The following SART3 variants were observed in gnomAD, a reference collection of about 807,000 sequenced individuals.
SART3 encodes HIV-1 Tat-interacting protein of 110kDa.
A neutral mutation model predicts 122.3 loss-of-function variants in SART3; 44 were observed. That is an observed-to-expected ratio of 0.36 (90% CI 0.28 to 0.46). SART3 has a LOEUF of 0.46. Ranked by LOEUF, SART3 falls within the 20% of genes least tolerant of loss-of-function variation. The pLI, the probability that SART3 is intolerant of heterozygous loss-of-function variation, is 1.00. For missense variants in SART3, 1,101 were observed against 1,229.0 expected (o/e 0.90, Z 1.56); for synonymous variants, 442 against 454.0 (o/e 0.97, Z 0.34).
At chr12:108,550,990 C>G (rs932977500) in intron 1 of SART3, among the ~76,000 whole-genome samples, 1 of 151,944 alleles carries the variant, frequency 6.6e-6, no homozygotes, top group African/African-American at 2.4e-5. Context: ...CTGAATAAAC[C>G]AACAATTGCC....
chr12:108,551,662 TC>T (rs2030015154), intron 1 of SART3, among the ~76,000 whole-genome samples: 1 of 152,200 alleles, frequency 6.6e-6, no homozygotes, highest in African/African-American at 2.4e-5. Flanking sequence ...TATGTATTTT[TC>T]TCAAGTACTT....
chr12:108,524,683 C>T (rs1593230806), intron 17 of SART3, 177 bp from the exon 18 acceptor site: 7 of 647,812 alleles, frequency 1.1e-5, no homozygotes, highest in East Asian at 8.1e-5. Context: ...CTTATTTCCC[C>T]ACCCTACTCT....
chr12:108,536,343 A>C (rs1872903410), intron 11 of SART3, among the ~76,000 whole-genome samples, 171 bp downstream of exon 11: 2 of 152,238 alleles, frequency 1.3e-5, no homozygotes, highest in South Asian at 4.1e-4. Flanking sequence ...ATGTCAAGCT[A>C]GGTAAATAAC....
chr12:108,532,350 A>G lies in SART3; in HGVS notation c.1557-16T>C, dbSNP rs758847577. ...ACCATGAGCTCTAAGGCAGAAAACA[A>G]AAAGTTGCTGCCACCAGGACACAAA... On this transcript the variant is annotated splice_polypyrimidine_tract_variant and intron_variant, in intron 12 of 18. Coordinates refer to ENST00000546815, the MANE Select transcript of SART3 (RefSeq NM_014706.4). The G allele has an allele frequency of 6.2e-7, 1 of 1,611,164 alleles. No individual in the cohort carries two copies. The highest frequency in any genetic ancestry group is 1.1e-5 in the South Asian group (1 of 91,034).
chr12:108,548,986 C>A, intron 2 of SART3, 102 bp downstream of exon 2: 1 of 1,559,536 alleles, frequency 6.4e-7, no homozygotes, highest in Non-Finnish European at 8.8e-7. Flanking sequence ...CTACACTGAA[C>A]GTTCCAGGTT....
rs1427372191 is a variant in SART3, at chr12:108,525,556, C to G, written c.2424G>C (p.Leu808=). ...LEKHKLFISG[L]PFSCTKEELE... ...GTTCCTCTTTAGTACAGGAGAAAGGCAGGCCTGAGATGAACAGCTTGTGTT... is the reference window on the plus strand; with the variant it reads ...GTTCCTCTTTAGTACAGGAGAAAGGGAGGCCTGAGATGAACAGCTTGTGTT... The change falls in exon 17 of 19, where the codon CTG becomes CTC. Residue 808 remains leucine (L), a synonymous_variant. Coordinates refer to ENST00000546815, the MANE Select transcript of SART3 (RefSeq NM_014706.4). 1 of 1,614,146 alleles carries G rather than the reference C, an allele frequency of 6.2e-7. No homozygotes were observed. The highest frequency in any genetic ancestry group is 1.1e-5 in the South Asian group (1 of 91,076).
In SART3 at chr12:108,561,129, G is replaced by A. The variant is rs1237255893; in HGVS notation, c.26C>T (p.Ala9Val). 3 of 1,613,448 alleles carry A rather than the reference G, an allele frequency of 1.9e-6. No homozygotes were observed. Among genetic ancestry groups the A allele is most frequent in the African/African-American group, 1.3e-5 (1 of 75,042 alleles). ...CTTGGACTCAGCCTCGGGTTCTGAAGCCGAGGTTTCGGCCGCAGTCGCCAT... is the reference window on the plus strand; with the variant it reads ...CTTGGACTCAGCCTCGGGTTCTGAAACCGAGGTTTCGGCCGCAGTCGCCAT... The part of the protein sequence containing the change: MATAAETS[A>V]SEPEAESKAG... Residue 9 changes from alanine to valine, a missense_variant, in exon 1 of 19, where the codon GCT becomes GTT. Around this residue, in one of 2 missense-constraint regions of SART3, gnomAD observed 216 missense variants for 148.9 expected, o/e 1.45. Transcript: ENST00000546815.
At chr12:108,524,581 C>A in intron 17 of SART3, 75 bp from the exon 18 acceptor site, 1 of 1,409,102 alleles carries the variant, frequency 7.1e-7, no homozygotes, top group Non-Finnish European at 1.0e-6. Context: ...AGGGCAGGCA[C>A]TGGGCTTCCT....
intron 6 of SART3, among the ~76,000 whole-genome samples, chr12:108,539,951 C>A (rs371637238): frequency 9.2e-5 from 14 of 152,258 alleles, no homozygotes; most frequent in African/African-American, 3.4e-4. Context: ...GGACTAAGGA[C>A]AAAATCTAAA....
intron 3 of SART3, among the ~76,000 whole-genome samples, chr12:108,546,520 T>C (rs1228679774): frequency 3.2e-5 from 3 of 94,980 alleles, no homozygotes; most frequent in Non-Finnish European, 4.3e-5. Flanking sequence ...ATTTTTTTAA[T>C]GCTTTTTTTT....
intron 6 of SART3, among the ~76,000 whole-genome samples, chr12:108,540,352 G>A (rs1191055866): frequency 6.6e-6 from 1 of 152,096 alleles, no homozygotes; most frequent in Non-Finnish European, 1.5e-5. Flanking sequence ...TTTCAAGAAG[G>A]GAAGCAAAGA....
intron 7 of SART3, 44 bp downstream of exon 7, chr12:108,538,890 T>C (rs771749137): frequency 1.2e-5 from 20 of 1,613,154 alleles, no homozygotes; most frequent in Admixed American, 1.7e-5. Context: ...TTAAGTAGAT[T>C]CTAAATTGGC....
intron 6 of SART3, among the ~76,000 whole-genome samples, chr12:108,542,062 A>T (rs183983409): frequency 1.5e-3 from 199 of 129,856 alleles, no homozygotes; most frequent in Admixed American, 3.2e-3. Flanking sequence ...TGCCAGGCTG[A>T]TCTCAAACTC....
chr12:108,525,958 T>C, intron 16 of SART3, 141 bp downstream of exon 16: 1 of 744,016 alleles, frequency 1.3e-6, no homozygotes, highest in Non-Finnish European at 2.2e-6. Context: ...CGGCTCAGGA[T>C]GGACCTTGGC....
rs1168185509 is a variant in SART3, at chr12:108,531,184, A to G, written c.1746+20T>C. 6 of 1,610,794 alleles carry G rather than the reference A, an allele frequency of 3.7e-6. No individual in the cohort carries two copies. Among genetic ancestry groups the G allele is most frequent in the Non-Finnish European group, 3.4e-6 (4 of 1,177,214 alleles). ...AAAATAGCTACCAGAGGTGCCAAAG[A>G]CTTCAAACATTGTCATTACCTTCAT... On this transcript the variant is annotated intron_variant, in intron 14 of 18. Coordinates refer to ENST00000546815, the MANE Select transcript of SART3 (RefSeq NM_014706.4).
At chr12:108,545,350 T>C (rs1873356501) in intron 3 of SART3, 27 bp from the exon 4 acceptor site, 2 of 1,612,114 alleles carry the variant, frequency 1.2e-6, no homozygotes, top group Non-Finnish European at 1.7e-6. Context: ...TTCAATTAGT[T>C]TGGGATATAA....
At chr12:108,544,974 T>A (rs2075357) in intron 4 of SART3, 165 bp downstream of exon 4, 56 of 780,348 alleles carry the variant, frequency 7.2e-5, no homozygotes, top group Non-Finnish European at 1.2e-4. Flanking sequence ...AGAAGGGGTA[T>A]AAAAAAAGGT....
At chr12:108,556,949 T>A (rs949470867) in intron 1 of SART3, among the ~76,000 whole-genome samples, 1 of 152,190 alleles carries the variant, frequency 6.6e-6, no homozygotes, top group African/African-American at 2.4e-5. Flanking sequence ...ACACCATGTG[T>A]GGATCAGCAG....
At chr12:108,533,490 C>T (rs1316280042) in intron 12 of SART3, among the ~76,000 whole-genome samples, 1 of 151,142 alleles carries the variant, frequency 6.6e-6, no homozygotes, top group African/African-American at 2.4e-5. Flanking sequence ...GAGTGACAAA[C>T]CACGGTCAGT....
Sources: allele counts gnomAD v4.1 joint callset (sites outside exome capture counted in the v4.1 genomes callset), GRCh38; gene constraint gnomAD v4.1.1; regional missense constraint gnomAD v4.1.1; transcripts MANE v1.5; gene names NCBI Gene and HGNC (gene_info 2026-07-23, HGNC 2026-07-21).